The following BID variants were observed in gnomAD, a reference collection of about 807,000 sequenced individuals.
BID encodes BH3-interacting domain death agonist.
BID carries 19 observed loss-of-function variants against 17.4 expected under a neutral mutation model. The observed-to-expected ratio is 1.09, with a 90% CI of 0.76 to 1.60. The LOEUF is 1.60. Among genes scored for constraint, BID ranks in the 40% most tolerant of loss-of-function variants. BID has a pLI of 0.00. For synonymous variants in BID, 108 were observed against 102.8 expected (o/e 1.05, Z -0.31); for missense variants, 226 against 256.0 (o/e 0.88, Z 0.80).
chr22:17,735,984 A>G (rs538227990), intron 5 of BID, among the ~76,000 whole-genome samples: 1 of 152,144 alleles, frequency 6.6e-6, no homozygotes, highest in Non-Finnish European at 1.5e-5. Flanking sequence ...CCTCCTTCCA[A>G]CAATTCAGCT....
intron 2 of BID, among the ~76,000 whole-genome samples, chr22:17,748,336 C>T (rs1009650628): frequency 4.0e-5 from 6 of 150,826 alleles, no homozygotes; most frequent in Admixed American, 3.3e-4. Context: ...GGTGAAACCC[C>T]GTCTTTACTA....
At chr22:17,737,507 C>T (rs1281777325) in intron 5 of BID, among the ~76,000 whole-genome samples, 6 of 152,082 alleles carry the variant, frequency 3.9e-5, no homozygotes, top group East Asian at 1.9e-4. Context: ...CCACCATGCC[C>T]GGCTAATTTT....
At chr22:17,749,722 A>G (rs537551561) in intron 2 of BID, among the ~76,000 whole-genome samples, 17 of 152,316 alleles carry the variant, frequency 1.1e-4, no homozygotes, top group African/African-American at 2.6e-4. Context: ...CAGTGGCACA[A>G]TCACAGCTCA....
chr22:17,767,689 C>A (rs2061688821), intron 1 of BID, among the ~76,000 whole-genome samples: 1 of 152,140 alleles, frequency 6.6e-6, no homozygotes, highest in South Asian at 2.1e-4. Context: ...ACTGATGCCA[C>A]CAAGCCATGG....
chr22:17,761,907 ATTTT>A lies in BID; in HGVS notation c.-58-11737_-58-11734del, dbSNP rs1569051101. ...TTTGCCCTTCACTATGTTTTTTGTC[ATTTT>A]TACCATATTCTGGAAAACACTGGTA... On this transcript the variant is annotated intron_variant, in intron 1 of 5. Coordinates refer to ENST00000622694, the MANE Select transcript of BID (RefSeq NM_001196.4). Among the ~76,000 whole-genome samples, 27 of 152,272 alleles carry A rather than the reference ATTTT, an allele frequency of 1.8e-4. No homozygotes were observed. The East Asian group carries it at 4.6e-3, about 26-fold the overall frequency.
chr22:17,761,939 T>A (rs550268103), intron 1 of BID, among the ~76,000 whole-genome samples: 3 of 152,298 alleles, frequency 2.0e-5, no homozygotes, highest in African/African-American at 7.2e-5. Flanking sequence ...CACTGGTAAA[T>A]CGCTTTAGGA....
At chr22:17,756,420 CTTT>C (rs2061584933) in intron 1 of BID, among the ~76,000 whole-genome samples, 1 of 131,370 alleles carries the variant, frequency 7.6e-6, no homozygotes, top group South Asian at 2.4e-4. Context: ...CTCTTTCTTT[CTTT>C]CTTTCTTTCT....
chr22:17,766,533 G>C (rs1404217549), intron 1 of BID, among the ~76,000 whole-genome samples: 1 of 151,622 alleles, frequency 6.6e-6, no homozygotes, highest in Non-Finnish European at 1.5e-5. Flanking sequence ...GACCCGCCTC[G>C]GCCTCCCAAA....
chr22:17,757,583 C>T (rs2061602187), intron 1 of BID, among the ~76,000 whole-genome samples: 1 of 151,578 alleles, frequency 6.6e-6, no homozygotes, highest in African/African-American at 2.4e-5. Context: ...GTGGCGGGCG[C>T]CTGTAATCCC....
chr22:17,770,869 A>G (rs1341849172), intron 1 of BID, among the ~76,000 whole-genome samples: 1 of 152,192 alleles, frequency 6.6e-6, no homozygotes, highest in Non-Finnish European at 1.5e-5. Flanking sequence ...GATCCCATGC[A>G]GACCAGGCAA....
chr22:17,749,500 A>G (rs1208260754), intron 2 of BID, among the ~76,000 whole-genome samples: 2 of 152,202 alleles, frequency 1.3e-5, no homozygotes, highest in Non-Finnish European at 2.9e-5. Flanking sequence ...ATTTAAATCC[A>G]GTGGGTTAAA....
chr22:17,748,462 C>T (rs1272305109), intron 2 of BID, among the ~76,000 whole-genome samples: 2 of 151,460 alleles, frequency 1.3e-5, no homozygotes, highest in Non-Finnish European at 2.9e-5. Context: ...GAGCGGAGAT[C>T]GTGCCACTGC....
At chr22:17,742,318 G>A (rs1344479673) in intron 3 of BID, among the ~76,000 whole-genome samples, 2 of 152,222 alleles carry the variant, frequency 1.3e-5, no homozygotes, top group Non-Finnish European at 2.9e-5. Flanking sequence ...TGGGGCTACA[G>A]TCACCCCCAC....
intron 1 of BID, among the ~76,000 whole-genome samples, chr22:17,754,316 C>T (rs762793578): frequency 1.0e-4 from 16 of 152,390 alleles, no homozygotes; most frequent in East Asian, 7.7e-4. Flanking sequence ...CAGCAGGCAC[C>T]GCCAGGCCCC....
At chr22:17,758,666 G>A (rs534411765) in intron 1 of BID, among the ~76,000 whole-genome samples, 138 of 152,332 alleles carry the variant, frequency 9.1e-4, no homozygotes, top group Non-Finnish European at 1.5e-3. Context: ...ACAAATACAT[G>A]TGGTTCTATC....
At chr22:17,746,758 C>T (rs1195822857) in intron 2 of BID, among the ~76,000 whole-genome samples, 2 of 152,110 alleles carry the variant, frequency 1.3e-5, no homozygotes, top group African/African-American at 2.4e-5. Flanking sequence ...ACAGAGAGGA[C>T]GCCATGTGAA....
At chr22:17,741,975 C>T (rs182934822) in intron 3 of BID, among the ~76,000 whole-genome samples, 20 of 152,334 alleles carry the variant, frequency 1.3e-4, no homozygotes, top group African/African-American at 4.8e-4. Flanking sequence ...CGAATCTGTG[C>T]CTCGCTCGTT....
chr22:17,773,592 A>G lies in BID; in HGVS notation c.-59+789T>C. 2.5e-6 allele frequency: 4 copies of G among 1,612,186 alleles called. No homozygotes were observed. Among genetic ancestry groups the G allele is most frequent in the Non-Finnish European group, 3.4e-6 (4 of 1,179,722 alleles). On this transcript the variant is annotated intron_variant, in intron 1 of 5. Coordinates refer to ENST00000622694, the MANE Select transcript of BID (RefSeq NM_001196.4). This position sits in a 1 kb window ranked among gnomAD's most constrained non-coding sequence, Gnocchi z 4.4. Reference sequence around the variant, plus strand: ...AGGCCGGTCCAGCCGCAGAAGGCCCAGCCCCCAGCCCACTTACAGAATCCG... The same window carrying G: ...AGGCCGGTCCAGCCGCAGAAGGCCCGGCCCCCAGCCCACTTACAGAATCCG...
intron 1 of BID, among the ~76,000 whole-genome samples, chr22:17,762,368 G>T (rs1478597200): frequency 1.3e-5 from 2 of 152,046 alleles, no homozygotes; most frequent in Non-Finnish European, 2.9e-5. Flanking sequence ...ATGATGGCGT[G>T]CACCTGTAAC....
Sources: gnomAD v4.1 joint callset for allele counts (sites outside exome capture counted in the v4.1 genomes callset) on GRCh38, gnomAD v4.1.1 for gene constraint, Gnocchi (gnomAD v3.1) non-coding constraint, MANE v1.5 for transcripts, NCBI Gene and HGNC (gene_info 2026-07-23, HGNC 2026-07-21) for gene names.